BRINP3: variants seen among roughly 807,000 people sequenced by gnomAD.
BRINP3 encodes BMP/retinoic acid inducible neural specific 3.
BRINP3 carries 19 observed loss-of-function variants against 71.0 expected under a neutral mutation model. The observed-to-expected ratio is 0.27, with a 90% CI of 0.19 to 0.39. The LOEUF (loss-of-function observed/expected upper bound fraction) is 0.39, where lower values mean the gene tolerates loss of function less well. Among genes scored for constraint, BRINP3 ranks in the 10% least tolerant of loss-of-function variants. The pLI is 1.00. For missense variants in BRINP3, 959 were observed against 940.8 expected (o/e 1.02, Z -0.25); for synonymous variants, 380 against 337.7 (o/e 1.13, Z -1.37).
intron 2 of BRINP3, among the ~76,000 whole-genome samples, chr1:190,444,895 T>C (rs72731182): frequency 0.12 from 18,704 of 152,214 alleles, 1,277 homozygotes; most frequent in Non-Finnish European, 0.13. Context: ...AATAAATGAA[T>C]GGAATATTTA....
intron 2 of BRINP3, among the ~76,000 whole-genome samples, chr1:190,355,510 G>A (rs1668670265): frequency 6.6e-6 from 1 of 151,754 alleles, no homozygotes; most frequent in South Asian, 2.1e-4. Flanking sequence ...TTTGATTGTG[G>A]CATTTCTTTT....
intron 6 of BRINP3, among the ~76,000 whole-genome samples, chr1:190,211,736 G>T (rs1232588137): frequency 6.6e-6 from 1 of 152,084 alleles, no homozygotes; most frequent in African/African-American, 2.4e-5. Context: ...ATTCATTTGA[G>T]ATCTAAATCA....
chr1:190,237,768 T>C (rs1402962411), intron 4 of BRINP3, among the ~76,000 whole-genome samples: 1 of 152,056 alleles, frequency 6.6e-6, no homozygotes, highest in African/African-American at 2.4e-5. Context: ...TATATCAAAG[T>C]AACTTCTGAG....
At chr1:190,388,321 C>T (rs1239887895) in intron 2 of BRINP3, among the ~76,000 whole-genome samples, 2 of 151,820 alleles carry the variant, frequency 1.3e-5, no homozygotes, top group Non-Finnish European at 1.5e-5. Context: ...GTTCCAGACA[C>T]TACAAGGTAC....
intron 2 of BRINP3, among the ~76,000 whole-genome samples, chr1:190,434,437 G>A (rs1315342017): frequency 6.6e-6 from 1 of 151,854 alleles, no homozygotes; most frequent in Non-Finnish European, 1.5e-5. Context: ...AGGTTTCTTT[G>A]TTGTTCTTTT....
At chr1:190,277,108 TATATA>T (rs1443828755) in intron 3 of BRINP3, among the ~76,000 whole-genome samples, 5 of 121,922 alleles carry the variant, frequency 4.1e-5, no homozygotes, top group Non-Finnish European at 8.9e-5. Context: ...TATATATATA[TATATA>T]TATATTTATA....
intron 1 of BRINP3, among the ~76,000 whole-genome samples, chr1:190,466,331 C>T (rs573116206): frequency 3.3e-5 from 5 of 151,782 alleles, no homozygotes; most frequent in Admixed American, 1.3e-4. Context: ...TGCTCCCAGG[C>T]TTACCCTGGA....
intron 2 of BRINP3, among the ~76,000 whole-genome samples, chr1:190,393,490 A>G (rs549218369): frequency 6.6e-6 from 1 of 151,678 alleles, no homozygotes; most frequent in African/African-American, 2.4e-5. Flanking sequence ...TGTAATATAA[A>G]GTATATTCAG....
intron 7 of BRINP3, among the ~76,000 whole-genome samples, chr1:190,149,763 T>C (rs1374107694): frequency 2.6e-5 from 4 of 152,090 alleles, no homozygotes; most frequent in Admixed American, 6.6e-5. Flanking sequence ...TAATTTTGTT[T>C]CAGTTCAATA....
intron 4 of BRINP3, among the ~76,000 whole-genome samples, chr1:190,256,028 CA>C (rs1419650368): frequency 6.6e-6 from 1 of 152,098 alleles, no homozygotes; most frequent in Non-Finnish European, 1.5e-5. Flanking sequence ...GTCATTTACC[CA>C]GTAGTCATTC....
intron 1 of BRINP3, among the ~76,000 whole-genome samples, chr1:190,474,175 A>T (rs1292598837): frequency 6.6e-6 from 1 of 152,206 alleles, no homozygotes; most frequent in African/African-American, 2.4e-5. Context: ...CCAGTTTCTG[A>T]TTTTTGTAAC....
intron 6 of BRINP3, among the ~76,000 whole-genome samples, chr1:190,170,578 G>A (rs1013874254): frequency 6.6e-6 from 1 of 151,972 alleles, no homozygotes; most frequent in African/African-American, 2.4e-5. Context: ...AAAAACAGTT[G>A]AAATAACATA....
chr1:190,121,840 G>GA (rs949687738), intron 7 of BRINP3, among the ~76,000 whole-genome samples: 2 of 151,406 alleles, frequency 1.3e-5, no homozygotes, highest in Admixed American at 6.6e-5. Flanking sequence ...AAGTAAAATA[G>GA]AAAAAAAGCA....
intron 2 of BRINP3, among the ~76,000 whole-genome samples, chr1:190,281,984 A>AT (rs555271308): frequency 6.6e-6 from 1 of 151,760 alleles, no homozygotes; most frequent in African/African-American, 2.4e-5. Flanking sequence ...TTCCACTGAG[A>AT]TTTTTTTCCC....
intron 2 of BRINP3, among the ~76,000 whole-genome samples, chr1:190,391,122 C>T (rs1160000373): frequency 2.6e-5 from 4 of 151,646 alleles, no homozygotes; most frequent in Non-Finnish European, 2.9e-5. Context: ...CCTGATCCCT[C>T]CTTATTCCTG....
chr1:190,465,564 G>A (rs1381230184), intron 1 of BRINP3, among the ~76,000 whole-genome samples: 1 of 151,894 alleles, frequency 6.6e-6, no homozygotes, highest in East Asian at 1.9e-4. Flanking sequence ...ACCCTGGCCT[G>A]TCTTTAGCAA....
chr1:190,363,421 G>A (rs1339803170), intron 2 of BRINP3, among the ~76,000 whole-genome samples: 2 of 152,098 alleles, frequency 1.3e-5, no homozygotes, highest in Non-Finnish European at 2.9e-5. Context: ...ATTGGTAGAC[G>A]ACAATAGAAA....
chr1:190,131,195 G>C lies in BRINP3; in HGVS notation c.1184+29473C>G, dbSNP rs563968077. 5.8e-5 allele frequency among the ~76,000 whole-genome samples: 7 copies of C among 121,612 alleles called. No individual in the cohort carries two copies. In the South Asian group the frequency reaches 1.9e-3, roughly 33 times the overall value. The allele number at this position is 121,612 out of a possible 152,430, so 79.8% of individuals were successfully genotyped here. On this transcript the variant is annotated intron_variant, in intron 7 of 7. Coordinates refer to ENST00000367462, the MANE Select transcript of BRINP3 (RefSeq NM_199051.3). ...GTGTGTGTGGCGGGGGGTGGGGGGT[G>C]GGGGGACAGGGAAGCTAACTCCAAA...
rs79843044 is a variant in BRINP3 at position 190,176,858 on chromosome 1, T to G, written c.962-15968A>C. 5.3e-3 allele frequency among the ~76,000 whole-genome samples: 813 copies of G among 152,232 alleles called. 3 individuals carry two copies. Among genetic ancestry groups the G allele is most frequent in the African/African-American group, 0.019 (787 of 41,556 alleles). Reference sequence around the variant, plus strand: ...GTTAGCTCTTTTAACTCTGGAGAAATGAAATCTCTGACTTTGTTTCATGTA... The same window carrying G: ...GTTAGCTCTTTTAACTCTGGAGAAAGGAAATCTCTGACTTTGTTTCATGTA... On this transcript the variant is annotated intron_variant, in intron 6 of 7. Coordinates refer to ENST00000367462, the MANE Select transcript of BRINP3 (RefSeq NM_199051.3).
Sources: allele counts gnomAD v4.1 joint callset (sites outside exome capture counted in the v4.1 genomes callset), GRCh38; gene constraint gnomAD v4.1.1; transcripts MANE v1.5; gene names NCBI Gene and HGNC (gene_info 2026-07-23, HGNC 2026-07-21).